The following NAMPT variants were observed in gnomAD, a reference collection of about 807,000 sequenced individuals.
NAMPT encodes NAmPRTase.
NAMPT carries 7 observed loss-of-function variants against 58.7 expected under a neutral mutation model. The observed-to-expected ratio is 0.12, with a 90% CI of 0.07 to 0.22. The LOEUF (loss-of-function observed/expected upper bound fraction) is 0.22. NAMPT is among the 10% of genes least tolerant of loss of function. The pLI is 1.00. For missense variants in NAMPT, 271 were observed against 567.9 expected (o/e 0.48, Z 5.31); for synonymous variants, 145 against 198.1 (o/e 0.73, Z 2.25).
chr7:106,256,986 G>A (rs1014848541), intron 8 of NAMPT, among the ~76,000 whole-genome samples: 2 of 151,948 alleles, frequency 1.3e-5, no homozygotes, highest in Non-Finnish European at 1.5e-5. Context: ...GACCAGCCTG[G>A]CTAACATGGT....
rs1792054999 is a variant in NAMPT, at chr7:106,248,515, AAGAT to A, written c.*2564_*2567del. 1 of 152,416 alleles carries A rather than the reference AAGAT, an allele frequency of 6.6e-6. No homozygotes were observed. Among genetic ancestry groups the A allele is most frequent in the Admixed American group, 6.6e-5 (1 of 15,230 alleles). The allele number at this position is 152,416 out of a possible 1,614,324, so 9.4% of individuals were successfully genotyped here. On this transcript the variant is annotated 3_prime_UTR_variant, in exon 11 of 11. Transcript: ENST00000222553. ...TTGCCATTTTTCTTTCTAATTTTCC[AAGAT>A]AGATTTCATTATAAAAATTGTTTGA...
intron 6 of NAMPT, among the ~76,000 whole-genome samples, chr7:106,266,947 T>C (rs1373376652): frequency 1.3e-5 from 2 of 152,178 alleles, no homozygotes; most frequent in Admixed American, 6.5e-5. Flanking sequence ...GAACCTGTCT[T>C]CTCAGTCTCC....
chr7:106,265,266 T>C (rs1224917058), intron 6 of NAMPT, among the ~76,000 whole-genome samples: 2 of 152,190 alleles, frequency 1.3e-5, no homozygotes, highest in Non-Finnish European at 2.9e-5. Flanking sequence ...TCACTACTTA[T>C]AACGTTGTAT....
chr7:106,284,923 C>CTG lies in NAMPT; in HGVS notation c.-41_-40dup. 1 of 1,565,730 alleles carries CTG rather than the reference C, an allele frequency of 6.4e-7. No individual in the cohort carries two copies. The highest frequency in any genetic ancestry group is 8.7e-7 in the Non-Finnish European group (1 of 1,153,896). On this transcript the variant is annotated 5_prime_UTR_variant, in exon 1 of 11. Coordinates refer to ENST00000222553, the MANE Select transcript of NAMPT (RefSeq NM_005746.3). ...ACAGGGGCCGCGCGCCGCGAGCTCC[C>CTG]TGGCGCGGCTGCGAGGAAGGAGAAA...
rs1364078774 is a variant in NAMPT at position 106,263,454 on chromosome 7, T to C, written c.907A>G (p.Ser303Gly). The C allele has an allele frequency of 4.4e-6, 7 of 1,602,096 alleles. No homozygotes were observed. The highest frequency in any genetic ancestry group is 1.3e-5 in the African/African-American group (1 of 74,806). The change falls in exon 7 of 11, where the codon AGT becomes GGT. Residue 303 changes from serine (S) to glycine (G), a missense_variant. By Grantham distance (56) the Ser-to-Gly change is moderately conservative (BLOSUM62 0). Coordinates refer to ENST00000222553, the MANE Select transcript of NAMPT (RefSeq NM_005746.3). ...EDLRHLIVSR[S>G]TQAPLIIRPD... ...CTGATTATTAGTGGTGCCTGTGTAC[T>C]TCTTGATACTATTAAATGTCTTAGA...
intron 9 of NAMPT, 142 bp from the exon 10 acceptor site, chr7:106,253,293 G>C: frequency 1.3e-6 from 1 of 790,388 alleles, no homozygotes; most frequent in Non-Finnish European, 2.0e-6. Context: ...ATCCACATCT[G>C]GCTTTCAGAA....
chr7:106,283,770 AAAAC>A lies in NAMPT; in HGVS notation c.57+1054_57+1057del, dbSNP rs1173139675. Among the ~76,000 whole-genome samples, 25 of 152,366 alleles carry A rather than the reference AAAAC, an allele frequency of 1.6e-4. No individual in the cohort carries two copies. In the South Asian group the frequency reaches 3.9e-3, roughly 24 times the overall value. On this transcript the variant is annotated intron_variant, in intron 1 of 10. Transcript: ENST00000222553. ...AACAGCATTTTAAGCTGATTGGAAAAAAACAGACAAAACTTAAGTAAAATGGAAT... is the reference window on the plus strand; with the variant it reads ...AACAGCATTTTAAGCTGATTGGAAAAAGACAAAACTTAAGTAAAATGGAAT...
chr7:106,273,706 G>C (rs567833278), intron 3 of NAMPT, among the ~76,000 whole-genome samples: 1 of 152,096 alleles, frequency 6.6e-6, no homozygotes. Flanking sequence ...ACTTATTACT[G>C]TATTTATCCT....
At chr7:106,276,948 T>A (rs1431027642) in intron 2 of NAMPT, 75 bp downstream of exon 2, 1 of 1,205,862 alleles carries the variant, frequency 8.3e-7, no homozygotes, top group Non-Finnish European at 1.2e-6. Flanking sequence ...ACAGATTTGT[T>A]AAAAATTCTA....
upstream of NAMPT, chr7:106,285,066 G>T: frequency 7.4e-7 from 1 of 1,358,606 alleles, no homozygotes; most frequent in South Asian, 1.6e-5. Flanking sequence ...GCCGTGACGC[G>T]GCGCGGGTGA....
At chr7:106,255,636 TGAATCTAGAA>T (rs1406665695) in intron 8 of NAMPT, among the ~76,000 whole-genome samples, 2 of 152,220 alleles carry the variant, frequency 1.3e-5, no homozygotes, top group Non-Finnish European at 2.9e-5. Context: ...TGAATCAAGA[TGAATCTAGAA>T]GAATCAAGAT....
chr7:106,259,504 T>C (rs574050600), intron 8 of NAMPT, among the ~76,000 whole-genome samples: 19 of 152,278 alleles, frequency 1.2e-4, no homozygotes, highest in African/African-American at 3.6e-4. Context: ...CTTGGCACAC[T>C]ACAGCCTCTG....
At chr7:106,275,981 A>T (rs1205108012) in intron 2 of NAMPT, 1 of 152,268 alleles carries the variant, frequency 6.6e-6, no homozygotes, top group Non-Finnish European at 1.5e-5. Flanking sequence ...GTGAGCCAAG[A>T]TTGCACCACT....
At chr7:106,258,548 G>A (rs1156753991) in intron 8 of NAMPT, among the ~76,000 whole-genome samples, 1 of 152,106 alleles carries the variant, frequency 6.6e-6, no homozygotes, top group Non-Finnish European at 1.5e-5. Context: ...AGTAAACGAG[G>A]CAAAAATTTT....
intron 8 of NAMPT, among the ~76,000 whole-genome samples, chr7:106,259,937 T>C (rs1340755521): frequency 4.0e-5 from 6 of 150,500 alleles, no homozygotes; most frequent in Non-Finnish European, 7.4e-5. Flanking sequence ...AAATACTCAG[T>C]ACACTATGAT....
intron 1 of NAMPT, among the ~76,000 whole-genome samples, chr7:106,282,743 A>G (rs1055146109): frequency 1.3e-5 from 2 of 152,218 alleles, no homozygotes; most frequent in Non-Finnish European, 2.9e-5. Context: ...TAGGCAATCA[A>G]TTATTCTTTC....
intron 8 of NAMPT, among the ~76,000 whole-genome samples, chr7:106,256,081 T>C (rs3801272): frequency 0.64 from 96,703 of 152,052 alleles, 31,196 homozygotes; most frequent in East Asian, 0.91. Flanking sequence ...ATTTAATACA[T>C]GTGAGACTTC....
At chr7:106,284,730 CAGCCCCAACCCCAGCCCCAG>C in intron 1 of NAMPT, 78 bp downstream of exon 1, 3 of 781,038 alleles carry the variant, frequency 3.8e-6, no homozygotes, top group Non-Finnish European at 5.1e-6. Flanking sequence ...GCCCCAGCCC[CAGCCCCAACCCCAGCCCCAG>C]CCGCCCCCGC....
chr7:106,278,073 G>A (rs1384386397), intron 1 of NAMPT, among the ~76,000 whole-genome samples: 2 of 152,128 alleles, frequency 1.3e-5, no homozygotes, highest in African/African-American at 2.4e-5. Flanking sequence ...TGGCAATGGC[G>A]GAATAAATCT....
Sources: gnomAD v4.1 joint callset for allele counts (sites outside exome capture counted in the v4.1 genomes callset) on GRCh38, gnomAD v4.1.1 for gene constraint, MANE v1.5 for transcripts, NCBI Gene and HGNC (gene_info 2026-07-23, HGNC 2026-07-21) for gene names.